Variants in PRKN observed in about 807,000 individuals in gnomAD.
The protein encoded by PRKN is E3 ubiquitin-protein ligase parkin.
In PRKN, 56 loss-of-function variants were observed where a neutral mutation model predicts 59.5. The observed-to-expected ratio is 0.94, with a 90% CI of 0.76 to 1.18. The LOEUF (loss-of-function observed/expected upper bound fraction) is 1.18. PRKN is among the 50% of genes most tolerant of loss of function. PRKN has a pLI of 0.00. For synonymous variants in PRKN, 250 were observed against 222.1 expected (o/e 1.13, Z -1.12); for missense variants, 657 against 596.4 (o/e 1.10, Z -1.06).
chr6:162,014,637 C>T (rs1782865311), intron 5 of PRKN, among the ~76,000 whole-genome samples: 1 of 152,096 alleles, frequency 6.6e-6, no homozygotes, highest in Non-Finnish European at 1.5e-5. Flanking sequence ...TATACCACTC[C>T]CTATACACTG....
At position 161,451,252 on chromosome 6, in the gene PRKN, G is replaced by T. The variant is rs895175518; in HGVS notation, c.1084-64375C>A. ...AAACAGGGGTCTCTTTTATCCTACC[G>T]TCATCTCATTTCCAGATAAAACACC... On this transcript the variant is annotated intron_variant, in intron 9 of 11. Coordinates refer to ENST00000366898, the MANE Select transcript of PRKN (RefSeq NM_004562.3). This position sits in a 1 kb window ranked among gnomAD's most constrained non-coding sequence, Gnocchi z 5.9. Among the ~76,000 whole-genome samples the T allele has an allele frequency of 5.3e-5, 8 of 152,058 alleles. No individual in the cohort carries two copies. The highest frequency in any genetic ancestry group is 1.0e-4 in the Non-Finnish European group (7 of 68,016).
intron 4 of PRKN, among the ~76,000 whole-genome samples, chr6:162,133,008 G>A (rs1248313079): frequency 6.6e-6 from 1 of 152,204 alleles, no homozygotes; most frequent in Non-Finnish European, 1.5e-5. Context: ...AGCAGAACAT[G>A]TGCTTGGAGA....
At chr6:162,193,017 T>A (rs1485485209) in intron 4 of PRKN, among the ~76,000 whole-genome samples, 2 of 152,110 alleles carry the variant, frequency 1.3e-5, no homozygotes, top group Non-Finnish European at 2.9e-5. Flanking sequence ...TAAAGAGTAG[T>A]GAGTAAAATC....
chr6:162,386,841 T>C (rs1264314613), intron 2 of PRKN, among the ~76,000 whole-genome samples: 1 of 152,218 alleles, frequency 6.6e-6, no homozygotes, highest in Non-Finnish European at 1.5e-5. Context: ...TCTAAACCTT[T>C]TTTGCAGGGT....
chr6:162,177,323 A>G (rs1203506903), intron 4 of PRKN, among the ~76,000 whole-genome samples: 1 of 152,192 alleles, frequency 6.6e-6, no homozygotes, highest in African/African-American at 2.4e-5. Context: ...ACTTATTTCT[A>G]TGTGTGAGTG....
rs9365285 is a variant in PRKN at position 161,396,136 on chromosome 6, C to T, written c.1084-9259G>A. Among the ~76,000 whole-genome samples, 117,789 of 152,086 alleles carry T rather than the reference C, an allele frequency of 0.77. 46,069 individuals carry two copies. Among genetic ancestry groups the T allele is most frequent in the East Asian group, 0.92 (4,768 of 5,166 alleles). ...ATGCTCTCGGTCCCTAATCCCCCGC[C>T]TCTTTTCTTACTTTCTCTTTACTGT... is the stretch of plus-strand genomic sequence containing the variant. On this transcript the variant is annotated intron_variant, in intron 9 of 11. Transcript: ENST00000366898. This position sits in a 1 kb window ranked among gnomAD's most constrained non-coding sequence, Gnocchi z 5.4.
At position 161,468,035 on chromosome 6, in the gene PRKN, T is replaced by G. The variant is rs1281691115; in HGVS notation, c.1083+80819A>C. Among the ~76,000 whole-genome samples the G allele has an allele frequency of 6.6e-6, 1 of 152,200 alleles. No individual in the cohort carries two copies. Among genetic ancestry groups the G allele is most frequent in the Admixed American group, 6.5e-5 (1 of 15,272 alleles). ...TCAACCAGGCTGGAGTGAAGTGGTG[T>G]GATCTCAGCTCACTGCAACCTCTGC... On this transcript the variant is annotated intron_variant, in intron 9 of 11. Coordinates refer to ENST00000366898, the MANE Select transcript of PRKN (RefSeq NM_004562.3). This position sits in a 1 kb window ranked among gnomAD's most constrained non-coding sequence, Gnocchi z 5.9.
At chr6:161,691,427 T>C (rs1464788523) in intron 7 of PRKN, among the ~76,000 whole-genome samples, 1 of 152,222 alleles carries the variant, frequency 6.6e-6, no homozygotes, top group African/African-American at 2.4e-5. Flanking sequence ...TTTTCTAAAA[T>C]TGGGGATCAA....
Position 161,366,982 on chromosome 6 carries a change from CTTTT to C in PRKN, c.1168-6781_1168-6778del, listed in dbSNP as rs57164972. Among the ~76,000 whole-genome samples, 50 of 91,970 alleles carry C rather than the reference CTTTT, an allele frequency of 5.4e-4. 2 individuals carry two copies. Among genetic ancestry groups the C allele is most frequent in the African/African-American group, 1.5e-3 (34 of 23,242 alleles). The allele number at this position is 91,970 out of a possible 152,430, so 60.3% of individuals were successfully genotyped here. A position where few individuals can be genotyped will look rare whatever the true frequency, so the allele number is the denominator to read the frequency against. On this transcript the variant is annotated intron_variant, in intron 10 of 11. Coordinates refer to ENST00000366898, the MANE Select transcript of PRKN (RefSeq NM_004562.3). ...AAGTTTTTTGGGGTTTTTTTGTTTC[CTTTT>C]TTTTTTTTTTTTTTTTTTTTTTGAG...
intron 7 of PRKN, among the ~76,000 whole-genome samples, chr6:161,684,544 A>G (rs564413146): frequency 9.7e-4 from 148 of 152,328 alleles, no homozygotes; most frequent in African/African-American, 3.4e-3. Context: ...GCTTTGTATA[A>G]TATCTAATTA....
intron 1 of PRKN, among the ~76,000 whole-genome samples, chr6:162,559,028 G>A (rs137936561): frequency 6.6e-6 from 1 of 151,948 alleles, no homozygotes; most frequent in East Asian, 1.9e-4. Context: ...CCAGGTGCCT[G>A]TAGTCCCAGC....
chr6:162,347,776 A>T (rs566522521), intron 2 of PRKN, among the ~76,000 whole-genome samples: 1 of 152,306 alleles, frequency 6.6e-6, no homozygotes, highest in South Asian at 2.1e-4. Context: ...AAGAGCTTCA[A>T]GCTCATTCAT....
intron 7 of PRKN, among the ~76,000 whole-genome samples, chr6:161,718,331 C>T (rs1221344304): frequency 3.3e-5 from 5 of 152,018 alleles, no homozygotes; most frequent in Non-Finnish European, 7.3e-5. Flanking sequence ...GGGCACTAAA[C>T]ATCATTCGCC....
At chr6:162,572,451 C>T (rs897779319) in intron 1 of PRKN, among the ~76,000 whole-genome samples, 1 of 152,182 alleles carries the variant, frequency 6.6e-6, no homozygotes, top group Non-Finnish European at 1.5e-5. Context: ...CTCCAGCTGT[C>T]ATCTGCAGAA....
At chr6:161,682,681 G>A (rs1051236260) in intron 7 of PRKN, among the ~76,000 whole-genome samples, 1 of 152,178 alleles carries the variant, frequency 6.6e-6, no homozygotes, top group Non-Finnish European at 1.5e-5. Flanking sequence ...GTCTTCTGTG[G>A]TTTCTCAGCC....
In PRKN at chr6:161,581,041, AACACACACACACAC is replaced by A. The variant is rs71004055; in HGVS notation, c.872-11639_872-11626del. On this transcript the variant is annotated intron_variant, in intron 7 of 11. Transcript: ENST00000366898. This position sits in a 1 kb window ranked among gnomAD's most constrained non-coding sequence, Gnocchi z 4.5. ...ACACAGTGAAATCCTGTCTCTACTAAACACACACACACACACACACACACACACACACACAAAAT... is the reference window on the plus strand; with the variant it reads ...ACACAGTGAAATCCTGTCTCTACTAAACACACACACACACACACACAAAAT... Among the ~76,000 whole-genome samples, 5 of 137,538 alleles carry A rather than the reference AACACACACACACAC, an allele frequency of 3.6e-5. No individual in the cohort carries two copies. Among genetic ancestry groups the A allele is most frequent in the African/African-American group, 1.4e-4 (5 of 35,874 alleles). 90.2% of individuals were successfully genotyped at this position (137,538 alleles called of 152,430 possible).
At chr6:161,750,116 T>C (rs200061931) in intron 7 of PRKN, among the ~76,000 whole-genome samples, 8,259 of 139,090 alleles carry the variant, frequency 0.059, 710 homozygotes, top group African/African-American at 0.2. Flanking sequence ...TATATATATA[T>C]ATACACACAC....
At chr6:161,622,381 C>T (rs945197796) in intron 7 of PRKN, among the ~76,000 whole-genome samples, 1 of 152,132 alleles carries the variant, frequency 6.6e-6, no homozygotes, top group Non-Finnish European at 1.5e-5. Context: ...CCAGGCCTGC[C>T]CCTTTCCAGC....
chr6:161,833,757 C>T (rs887398777), intron 6 of PRKN, among the ~76,000 whole-genome samples: 4 of 152,124 alleles, frequency 2.6e-5, no homozygotes, highest in African/African-American at 2.4e-5. Flanking sequence ...GGCTAGCACC[C>T]ACGACAGTGG....
Sources: allele counts gnomAD v4.1 joint callset (sites outside exome capture counted in the v4.1 genomes callset), GRCh38; gene constraint gnomAD v4.1.1; non-coding constraint Gnocchi (gnomAD v3.1); transcripts MANE v1.5; gene names NCBI Gene and HGNC (gene_info 2026-07-23, HGNC 2026-07-21).